XPO4: variants seen among roughly 807,000 people sequenced by gnomAD.
XPO4 encodes exportin 4.
In XPO4, 39 loss-of-function variants were observed where a neutral mutation model predicts 143.0. The observed-to-expected ratio is 0.27, with a 90% confidence interval of 0.21 to 0.36. The LOEUF is 0.36. Ranked by LOEUF, XPO4 falls within the 10% of genes least tolerant of loss-of-function variation. The pLI, the probability that XPO4 is intolerant of heterozygous loss-of-function variation, is 1.00. For synonymous variants in XPO4, 439 were observed against 474.0 expected (o/e 0.93, Z 0.96); for missense variants, 907 against 1,348.0 (o/e 0.67, Z 5.12).
At chr13:20,860,271 AT>A (rs1305483888) in intron 3 of XPO4, among the ~76,000 whole-genome samples, 1 of 152,168 alleles carries the variant, frequency 6.6e-6, no homozygotes, top group Non-Finnish European at 1.5e-5. Flanking sequence ...GCCAAAAACA[AT>A]TTTTTTAACC....
At chr13:20,889,465 GC>G (rs909833453) in intron 1 of XPO4, among the ~76,000 whole-genome samples, 4 of 152,146 alleles carry the variant, frequency 2.6e-5, no homozygotes. Context: ...ATTTCTGGTT[GC>G]CACAACTGGG....
intron 1 of XPO4, among the ~76,000 whole-genome samples, chr13:20,870,862 G>A (rs1250445474): frequency 1.3e-5 from 2 of 151,998 alleles, no homozygotes; most frequent in Admixed American, 6.6e-5. Context: ...CCAGACTGGA[G>A]TACAGTAGCA....
At position 20,780,758 on chromosome 13, in the gene XPO4, T is replaced by C. The variant is rs1269456708; in HGVS notation, c.*2964A>G. 6.6e-6 allele frequency: 1 copy of C among 152,230 alleles called. No individual in the cohort carries two copies. The highest frequency in any genetic ancestry group is 1.5e-5 in the Non-Finnish European group (1 of 68,042). The allele number at this position is 152,230 out of a possible 1,614,324, so 9.4% of individuals were successfully genotyped here. ...ACATGCTACTGTCTTCTAACAGAGATGGCCACCCTGAAAGACCCAAATAAT... is the reference window on the plus strand; with the variant it reads ...ACATGCTACTGTCTTCTAACAGAGACGGCCACCCTGAAAGACCCAAATAAT... On this transcript the variant is annotated 3_prime_UTR_variant, in exon 23 of 23. Coordinates refer to ENST00000255305, the MANE Select transcript of XPO4 (RefSeq NM_022459.5).
intron 3 of XPO4, chr13:20,857,833 C>T: frequency 1.0e-6 from 1 of 985,244 alleles, no homozygotes; most frequent in Non-Finnish European, 1.2e-6. Context: ...CTTTCTTGAC[C>T]ACTATGCTAC....
At position 20,834,757 on chromosome 13, in the gene XPO4, T is replaced by C. The variant is rs1218160409; in HGVS notation, c.728-7578A>G. ...GAGGATCACTTGAGCCCAGGAGAGT[T>C]TGAGGACAGCCTGGGCAACATAGTG... On this transcript the variant is annotated intron_variant, in intron 6 of 22. Coordinates refer to ENST00000255305, the MANE Select transcript of XPO4 (RefSeq NM_022459.5). Among the ~76,000 whole-genome samples the C allele has an allele frequency of 2.0e-5, 3 of 151,858 alleles. No individual in the cohort carries two copies. In the East Asian group the frequency reaches 5.8e-4, roughly 29 times the overall value.
intron 7 of XPO4, among the ~76,000 whole-genome samples, chr13:20,824,834 G>A (rs1237650717): frequency 1.3e-5 from 2 of 152,170 alleles, no homozygotes; most frequent in Non-Finnish European, 2.9e-5. Flanking sequence ...AAGTAAGGAA[G>A]ATGACGAATT....
chr13:20,783,531 C>T lies in XPO4; in HGVS notation c.*191G>A, dbSNP rs776683388. On this transcript the variant is annotated 3_prime_UTR_variant, in exon 23 of 23. Coordinates refer to ENST00000255305, the MANE Select transcript of XPO4 (RefSeq NM_022459.5). ...CATATATATGACAGATTGTGGCTAA[C>T]ACTTAACAGCAGAAGCTGATGCCAA... The T allele has an allele frequency of 1.6e-6, 1 of 609,350 alleles. No individual in the cohort carries two copies. The highest frequency in any genetic ancestry group is 2.9e-6 in the Non-Finnish European group (1 of 344,268). The allele number at this position is 609,350 out of a possible 1,614,324, so 37.7% of individuals were successfully genotyped here.
intron 4 of XPO4, among the ~76,000 whole-genome samples, chr13:20,853,476 A>AT (rs1228479152): frequency 6.6e-6 from 1 of 152,098 alleles, no homozygotes; most frequent in Non-Finnish European, 1.5e-5. Flanking sequence ...GCACCACTGC[A>AT]TTACACCCTG....
rs1448711403 is a variant in XPO4 at position 20,800,943 on chromosome 13, A to C, written c.1865T>G (p.Ile622Arg). The stretch of plus-strand genomic sequence containing the variant: ...TAGTAGATGAGTGAGATCTGCTCTT[A>C]TTGCTCGAGATTCAACTTCTGAAAC... Reference protein sequence around the residue: ...LRVSEVESRAIRADLTHLLSP... With the variant: ...LRVSEVESRARRADLTHLLSP... Residue 622 changes from isoleucine (I) to arginine (R), a missense_variant, in exon 14 of 23, where the codon ATA (isoleucine) becomes AGA (arginine). Physicochemically the swap from Ile to Arg is moderately conservative, Grantham distance 97. Transcript: ENST00000255305. 11 of 1,613,862 alleles carry C rather than the reference A, an allele frequency of 6.8e-6. No individual in the cohort carries two copies. Among genetic ancestry groups the C allele is most frequent in the Non-Finnish European group, 8.5e-6 (10 of 1,179,964 alleles).
At chr13:20,784,163 C>T (rs1165197269) in intron 22 of XPO4, among the ~76,000 whole-genome samples, 2 of 152,176 alleles carry the variant, frequency 1.3e-5, no homozygotes, top group African/African-American at 4.8e-5. Context: ...GTGAAGGTTT[C>T]GACACTCAGT....
At position 20,862,668 on chromosome 13, in the gene XPO4, C is replaced by T. The variant is rs745918562; in HGVS notation, c.317+49G>A. ...AAACAAAAAAAGCTCTAAAAAGATACACATAAGCTCAGCAAAAGTATTTCA... is the reference window on the plus strand; with the variant it reads ...AAACAAAAAAAGCTCTAAAAAGATATACATAAGCTCAGCAAAAGTATTTCA... On this transcript the variant is annotated intron_variant, in intron 3 of 22. Coordinates refer to ENST00000255305, the MANE Select transcript of XPO4 (RefSeq NM_022459.5). The T allele has an allele frequency of 6.2e-6, 10 of 1,608,462 alleles. No homozygotes were observed. In the Admixed American group the frequency reaches 1.3e-4, roughly 22 times the overall value.
chr13:20,831,453 T>C (rs1378657870), intron 6 of XPO4, among the ~76,000 whole-genome samples: 2 of 152,186 alleles, frequency 1.3e-5, no homozygotes, highest in Non-Finnish European at 2.9e-5. Flanking sequence ...CTGTCTTTTA[T>C]TACATGCTAG....
At chr13:20,843,370 C>T (rs1566601412) in intron 5 of XPO4, among the ~76,000 whole-genome samples, 1 of 152,178 alleles carries the variant, frequency 6.6e-6, no homozygotes, top group Non-Finnish European at 1.5e-5. Context: ...CATAACTTTA[C>T]TCCAGAGCCA....
At chr13:20,856,972 A>G (rs2060150427) in intron 3 of XPO4, 5 of 742,870 alleles carry the variant, frequency 6.7e-6, no homozygotes, top group Middle Eastern at 6.8e-4. Flanking sequence ...TAGCATATGC[A>G]AAGCACACTA....
chr13:20,824,302 G>A (rs114043144), intron 7 of XPO4, among the ~76,000 whole-genome samples: 28 of 152,140 alleles, frequency 1.8e-4, no homozygotes, highest in Non-Finnish European at 3.2e-4. Context: ...TTTTTGTCAC[G>A]ATGCCTTAGA....
chr13:20,790,916 A>C (rs1461340369), intron 18 of XPO4, among the ~76,000 whole-genome samples: 1 of 152,184 alleles, frequency 6.6e-6, no homozygotes, highest in Non-Finnish European at 1.5e-5. Flanking sequence ...TGAAATATAA[A>C]ATCTACTGGC....
intron 4 of XPO4, among the ~76,000 whole-genome samples, chr13:20,845,771 C>A (rs1319050625): frequency 1.3e-5 from 2 of 152,078 alleles, no homozygotes; most frequent in Admixed American, 1.3e-4. Context: ...GATTTTTAAA[C>A]ACAGCTAGGC....
chr13:20,843,110 A>G (rs2059992709), intron 5 of XPO4, 62 bp from the exon 6 acceptor site: 2 of 1,443,526 alleles, frequency 1.4e-6, no homozygotes, highest in Admixed American at 2.3e-5. Context: ...ATCCCCTTTT[A>G]GAATCATGAA....
At chr13:20,784,431 T>TC (rs1433352375) in intron 22 of XPO4, among the ~76,000 whole-genome samples, 1 of 152,134 alleles carries the variant, frequency 6.6e-6, no homozygotes, top group African/African-American at 2.4e-5. Context: ...AGAAATATAT[T>TC]CCAGTGCCTT....
Sources: allele counts gnomAD v4.1 joint callset (sites outside exome capture counted in the v4.1 genomes callset), GRCh38; gene constraint gnomAD v4.1.1; transcripts MANE v1.5; gene names NCBI Gene and HGNC (gene_info 2026-07-23, HGNC 2026-07-21).